Variants in HIVEP1 observed in about 807,000 individuals in gnomAD.
The protein encoded by HIVEP1 is zinc finger protein 40.
Under a neutral mutation model 180.0 loss-of-function variants are expected in HIVEP1, and 36 were observed. That is an observed-to-expected ratio of 0.20 (90% CI 0.15 to 0.26). HIVEP1 has a LOEUF of 0.26. HIVEP1 is among the 10% of genes least tolerant of loss of function. HIVEP1 has a pLI of 1.00. For missense variants in HIVEP1, 3,143 were observed against 3,268.7 expected, an observed-to-expected ratio of 0.96 and a Z score of 0.94; for synonymous variants, 1,239 against 1,239.0, an observed-to-expected ratio of 1.00 and a Z score of 0.00.
chr6:12,087,755 G>T (rs17608937), intron 2 of HIVEP1, among the ~76,000 whole-genome samples: 24,160 of 151,982 alleles, frequency 0.16, 2,538 homozygotes, highest in Non-Finnish European at 0.24. Context: ...TTTTTTCCAG[G>T]ACTATTTCAA....
intron 3 of HIVEP1, among the ~76,000 whole-genome samples, chr6:12,114,104 C>G (rs752985792): frequency 6.6e-6 from 1 of 152,198 alleles, no homozygotes; most frequent in African/African-American, 2.4e-5. Context: ...CTGACTCTGA[C>G]GTCTTGTCTT....
At chr6:12,128,033 C>T (rs1231441480) in intron 4 of HIVEP1, among the ~76,000 whole-genome samples, 1 of 152,112 alleles carries the variant, frequency 6.6e-6, no homozygotes, top group Non-Finnish European at 1.5e-5. Context: ...GCATTTTCAA[C>T]ATACAATACA....
chr6:12,117,800 C>T (rs547086399), intron 3 of HIVEP1, among the ~76,000 whole-genome samples: 4 of 152,250 alleles, frequency 2.6e-5, no homozygotes, highest in Admixed American at 1.3e-4. Context: ...GGTTTCTCAT[C>T]TCTGTTTTTG....
chr6:12,054,669 C>CT (rs931275753), intron 2 of HIVEP1, among the ~76,000 whole-genome samples: 2 of 152,102 alleles, frequency 1.3e-5, no homozygotes, highest in South Asian at 2.1e-4. Flanking sequence ...CCATAATGAA[C>CT]TTTTTTTGCT....
chr6:12,022,422 G>A (rs140465273), intron 2 of HIVEP1, among the ~76,000 whole-genome samples: 5,300 of 152,088 alleles, frequency 0.035, 294 homozygotes, highest in African/African-American at 0.12. Flanking sequence ...CACCCGCCTC[G>A]GCCTCCCAAA....
Position 12,035,550 on chromosome 6 carries a change from A to G in HIVEP1, c.40+19882A>G, listed in dbSNP as rs75158404. 7.6e-3 allele frequency among the ~76,000 whole-genome samples: 1,165 copies of G among 152,350 alleles called. 8 individuals are homozygous for G. The highest frequency in any genetic ancestry group is 0.018 in the African/African-American group (733 of 41,594). On this transcript the variant is annotated intron_variant, in intron 2 of 8. Transcript: ENST00000379388. ...TACTCTGAACCTGTGTGTGTATATC[A>G]GCAAAATTTGTTGTTTCTGAAATGT...
At chr6:12,093,551 A>G (rs1318656201) in intron 3 of HIVEP1, among the ~76,000 whole-genome samples, 1 of 151,740 alleles carries the variant, frequency 6.6e-6, no homozygotes, top group Non-Finnish European at 1.5e-5. Context: ...TTAAAAAAAT[A>G]TACCTAGTTT....
chr6:12,089,067 T>C (rs1199991672), intron 2 of HIVEP1, 117 bp from the exon 3 acceptor site: 2 of 576,998 alleles, frequency 3.5e-6, no homozygotes, highest in Admixed American at 3.2e-5. Flanking sequence ...TATCATAATT[T>C]ATTCAACACA....
At chr6:12,078,807 G>A (rs1014091592) in intron 2 of HIVEP1, among the ~76,000 whole-genome samples, 54 of 151,854 alleles carry the variant, frequency 3.6e-4, no homozygotes, top group Non-Finnish European at 6.3e-4. Context: ...TGCCTGAAAA[G>A]CTGGAGGAGC....
the HIVEP1 span, among the ~76,000 whole-genome samples, chr6:12,203,343 C>T: frequency 1.3e-5 from 2 of 152,196 alleles, no homozygotes; most frequent in South Asian, 2.1e-4. Context: ...TCCCTGTGAA[C>T]GGTTACCCAT....
intron 2 of HIVEP1, among the ~76,000 whole-genome samples, chr6:12,034,078 A>G (rs986048913): frequency 2.6e-5 from 4 of 152,214 alleles, no homozygotes; most frequent in African/African-American, 9.6e-5. Flanking sequence ...TTAATAACCC[A>G]CCCATGCCAG....
chr6:12,208,910 G>T, the HIVEP1 span, among the ~76,000 whole-genome samples: 1 of 152,190 alleles, frequency 6.6e-6, no homozygotes, highest in Non-Finnish European at 1.5e-5. Context: ...AGTGGGTGTT[G>T]CGTTTATGCA....
At chr6:12,092,719 C>G (rs1324493728) in intron 3 of HIVEP1, among the ~76,000 whole-genome samples, 1 of 152,038 alleles carries the variant, frequency 6.6e-6, no homozygotes, top group Non-Finnish European at 1.5e-5. Context: ...ATGTTAAATC[C>G]TCTTTTATTC....
At chr6:12,042,045 T>G (rs1342483009) in intron 2 of HIVEP1, among the ~76,000 whole-genome samples, 1 of 151,268 alleles carries the variant, frequency 6.6e-6, no homozygotes, top group Non-Finnish European at 1.5e-5. Context: ...CCTTTGTACA[T>G]AGATTGTATT....
the HIVEP1 span, among the ~76,000 whole-genome samples, chr6:12,174,668 T>G: frequency 6.6e-6 from 1 of 152,172 alleles, no homozygotes; most frequent in Non-Finnish European, 1.5e-5. Flanking sequence ...ACACAACAGA[T>G]TCAGGCGACA....
intron 7 of HIVEP1, among the ~76,000 whole-genome samples, chr6:12,146,402 C>T (rs1759374258): frequency 1.3e-5 from 2 of 152,196 alleles, no homozygotes; most frequent in Non-Finnish European, 2.9e-5. Context: ...GAGATGGTGC[C>T]ATTGCACTCC....
At position 12,163,700 on chromosome 6, in the gene HIVEP1, T is replaced by C. The variant is rs1760557949; in HGVS notation, c.7396T>C (p.Cys2466Arg). 4 of 1,614,122 alleles carry C rather than the reference T, an allele frequency of 2.5e-6. No homozygotes were observed. The Admixed American group carries it at 5.0e-5, about 20-fold the overall frequency. Residue 2466 changes from cysteine to arginine, a missense_variant, in exon 9 of 9, where the codon TGT becomes CGT. Physicochemically the swap from Cys to Arg is radical, Grantham distance 180. This residue lies in a region of HIVEP1 where 595 missense variants were observed against 602.2 expected (regional missense o/e 0.99). Transcript: ENST00000379388. The stretch of plus-strand genomic sequence containing the variant: ...GGCTGAATTAAGCAGTGTTGTGCCA[T>C]GTATTCCTATCGGCCAAATCCGCGT... ...GVAELSSVVP[C>R]IPIGQIRVPG... is the part of the protein sequence containing the mutation.
intron 2 of HIVEP1, among the ~76,000 whole-genome samples, chr6:12,054,970 A>G (rs917726251): frequency 6.6e-6 from 1 of 152,248 alleles, no homozygotes; most frequent in Admixed American, 6.5e-5. Flanking sequence ...CGTGAGATGT[A>G]GATTGTCTTC....
chr6:12,087,760 TTTCAAC>T (rs1438572794), intron 2 of HIVEP1, among the ~76,000 whole-genome samples: 4 of 152,160 alleles, frequency 2.6e-5, no homozygotes, highest in Admixed American at 1.3e-4. Context: ...TCCAGGACTA[TTTCAAC>T]TTCACTCATC....
Sources: allele counts gnomAD v4.1 joint callset (sites outside exome capture counted in the v4.1 genomes callset), GRCh38; gene constraint gnomAD v4.1.1; regional missense constraint gnomAD v4.1.1; transcripts MANE v1.5; gene names NCBI Gene and HGNC (gene_info 2026-07-23, HGNC 2026-07-21).